LAMA2: variants seen among roughly 807,000 people sequenced by gnomAD.
LAMA2 encodes laminin subunit alpha-2.
A neutral mutation model predicts 364.8 loss-of-function variants in LAMA2; 269 were observed. That is an observed-to-expected ratio of 0.74 (90% CI 0.67 to 0.82). LAMA2 has a LOEUF of 0.82. LAMA2 is among the 40% of genes least tolerant of loss of function. The probability of loss-of-function intolerance (pLI) is 0.00; values close to 1 mark genes in which losing one functional copy is unlikely to be tolerated. For missense variants in LAMA2, 3,807 were observed against 3,873.2 expected, an observed-to-expected ratio of 0.98 and a Z score of 0.45; for synonymous variants, 1,379 against 1,370.6, an observed-to-expected ratio of 1.01 and a Z score of -0.14.
intron 12 of LAMA2, among the ~76,000 whole-genome samples, chr6:129,217,397 A>T (rs1212722510): frequency 6.6e-6 from 1 of 152,090 alleles, no homozygotes; most frequent in Non-Finnish European, 1.5e-5. Context: ...TTAATCTTCG[A>T]ATTTCTTTTA....
At chr6:129,276,223 T>G (rs555735933) in intron 17 of LAMA2, among the ~76,000 whole-genome samples, 2 of 152,268 alleles carry the variant, frequency 1.3e-5, no homozygotes, top group South Asian at 4.1e-4. Flanking sequence ...AAATGGTTTC[T>G]CTTATCCTAC....
At chr6:129,381,637 T>C (rs1057179751) in intron 34 of LAMA2, among the ~76,000 whole-genome samples, 2 of 152,142 alleles carry the variant, frequency 1.3e-5, no homozygotes, top group African/African-American at 4.8e-5. Context: ...AGGATTTGAG[T>C]AACCTAGGGA....
At position 129,162,124 on chromosome 6, in the gene LAMA2, T is replaced by G. The variant is rs564829613; in HGVS notation, c.1207-3452T>G. Among the ~76,000 whole-genome samples the G allele has an allele frequency of 1.1e-4, 16 of 152,350 alleles. No homozygotes were observed. In the East Asian group the frequency reaches 3.1e-3, roughly 29 times the overall value. On this transcript the variant is annotated intron_variant, in intron 8 of 64. Transcript: ENST00000421865. ...CTAATTTACTTTCCCACCAGCAGTG[T>G]ATAAGTGTTCCCTTTCTCTGCAACC...
At chr6:129,224,254 A>G (rs143910659) in intron 12 of LAMA2, among the ~76,000 whole-genome samples, 5 of 152,288 alleles carry the variant, frequency 3.3e-5, no homozygotes, top group African/African-American at 9.6e-5. Flanking sequence ...GGCTGAGACA[A>G]TGGGGTTTTC....
chr6:129,055,430 A>G (rs947718020), intron 2 of LAMA2, among the ~76,000 whole-genome samples: 3 of 151,904 alleles, frequency 2.0e-5, no homozygotes, highest in South Asian at 2.1e-4. Context: ...TCGACTTCAC[A>G]TGATCTACCT....
chr6:128,929,969 C>T, intron 1 of LAMA2: 4 of 650,414 alleles, frequency 6.1e-6, no homozygotes, highest in East Asian at 2.9e-5. Flanking sequence ...CCTCATCCTG[C>T]GGAGGCGATC....
rs553989180 is a variant in LAMA2, at chr6:128,961,648, G to A, written c.112+78291G>A. On this transcript the variant is annotated intron_variant, in intron 1 of 64. Coordinates refer to ENST00000421865, the MANE Select transcript of LAMA2 (RefSeq NM_000426.4). ...TTCTGCCTGCTTTATATTTGCTGGCGGCTGATTAGATTGTGCCCACCAGAT... is the reference window on the plus strand; with the variant it reads ...TTCTGCCTGCTTTATATTTGCTGGCAGCTGATTAGATTGTGCCCACCAGAT... Among the ~76,000 whole-genome samples the A allele has an allele frequency of 2.4e-4, 36 of 151,520 alleles. No individual in the cohort carries two copies. The South Asian group carries it at 3.1e-3, about 13-fold the overall frequency.
intron 8 of LAMA2, among the ~76,000 whole-genome samples, chr6:129,162,395 T>C (rs956594210): frequency 4.6e-5 from 7 of 152,122 alleles, no homozygotes; most frequent in African/African-American, 1.7e-4. Flanking sequence ...ACCTTTCCCA[T>C]TTTCCATACT....
At chr6:129,227,456 G>T (rs12111102) in intron 12 of LAMA2, among the ~76,000 whole-genome samples, 1 of 152,254 alleles carries the variant, frequency 6.6e-6, no homozygotes, top group South Asian at 2.1e-4. Flanking sequence ...CCCCATCTTT[G>T]TGGTTTTATC....
chr6:129,489,388 A>G (rs1270877218), intron 56 of LAMA2, among the ~76,000 whole-genome samples: 2 of 151,948 alleles, frequency 1.3e-5, no homozygotes, highest in African/African-American at 4.8e-5. Flanking sequence ...ATCTCCCTTT[A>G]GTCACTTTGG....
chr6:129,326,854 T>G (rs2114529158), intron 28 of LAMA2, among the ~76,000 whole-genome samples: 1 of 148,682 alleles, frequency 6.7e-6, no homozygotes, highest in South Asian at 2.1e-4. Flanking sequence ...TATTCAGTGG[T>G]CAGCTTGCTA....
chr6:129,152,081 A>G (rs757803124), intron 7 of LAMA2, among the ~76,000 whole-genome samples: 1 of 152,248 alleles, frequency 6.6e-6, no homozygotes, highest in South Asian at 2.1e-4. Context: ...TAACCTTTCT[A>G]TATTAAGAGA....
At chr6:128,944,651 A>C (rs958045389) in intron 1 of LAMA2, among the ~76,000 whole-genome samples, 12 of 151,778 alleles carry the variant, frequency 7.9e-5, no homozygotes, top group Non-Finnish European at 1.5e-4. Flanking sequence ...AAAAAAAAAA[A>C]AGAAGAAAGA....
At position 129,352,410 on chromosome 6, in the gene LAMA2, A is replaced by G. The variant is rs955899113; in HGVS notation, c.4524-754A>G. On this transcript the variant is annotated intron_variant, in intron 31 of 64. Coordinates refer to ENST00000421865, the MANE Select transcript of LAMA2 (RefSeq NM_000426.4). ...AATCAGTGTTATATATTTTGTTTGC[A>G]TATCATTAACCCACTTCCACAGATA... Among the ~76,000 whole-genome samples, 3 of 152,246 alleles carry G rather than the reference A, an allele frequency of 2.0e-5. 1 individual carries two copies. Among genetic ancestry groups the G allele is most frequent in the South Asian group, 4.1e-4 (2 of 4,832 alleles).
Position 129,460,272 on chromosome 6 carries a change from G to C in LAMA2, c.6940G>C (p.Gly2314Arg). The C allele has an allele frequency of 6.2e-7, 1 of 1,612,266 alleles. No homozygotes were observed. Among genetic ancestry groups the C allele is most frequent in the East Asian group, 2.2e-5 (1 of 44,798 alleles). The change falls in exon 49 of 65, where the codon GGT becomes CGT. Residue 2314 changes from glycine to arginine, a missense_variant. Physicochemically the swap from Gly to Arg is moderately radical, Grantham distance 125. Coordinates refer to ENST00000421865, the MANE Select transcript of LAMA2 (RefSeq NM_000426.4). ...GETYFDNKPIGLWNFREKEGD... is the reference protein window; with the variant it reads ...GETYFDNKPIRLWNFREKEGD... ...AACATACTTTGACAACAAACCTATA[G>C]GTTTGTGGAATTTCCGAGAAAAAGA... is the stretch of plus-strand genomic sequence containing the variant.
At chr6:129,299,266 T>A (rs564785542) in intron 21 of LAMA2, among the ~76,000 whole-genome samples, 9 of 152,206 alleles carry the variant, frequency 5.9e-5, no homozygotes, top group African/African-American at 1.9e-4. Context: ...GACTGAGTAA[T>A]TTTGTTTCAT....
Position 129,516,187 on chromosome 6 carries a change from CAG to C in LAMA2, c.9212-1_9212del. On this transcript the variant is annotated splice_acceptor_variant, in intron 64 of 64. Transcript: ENST00000421865. LOFTEE classifies it high-confidence loss of function. ...CTGAGCCCTCTTGCATTGCCTTTTT[CAG>C]ATGACCTCAAGCAGTTTGGCCTAAC... is the stretch of plus-strand genomic sequence containing the variant. 1.2e-6 allele frequency: 2 copies of C among 1,614,050 alleles called. No homozygotes were observed. Among genetic ancestry groups the C allele is most frequent in the Non-Finnish European group, 1.7e-6 (2 of 1,179,988 alleles).
intron 4 of LAMA2, among the ~76,000 whole-genome samples, chr6:129,127,024 G>A (rs1483345757): frequency 6.6e-6 from 1 of 152,170 alleles, no homozygotes; most frequent in Admixed American, 6.5e-5. Flanking sequence ...CTGAGACTGT[G>A]CTACTGCACT....
intron 1 of LAMA2, among the ~76,000 whole-genome samples, chr6:128,948,387 AAC>A (rs1780608830): frequency 6.6e-6 from 1 of 152,154 alleles, no homozygotes. Flanking sequence ...ATATTCCTAA[AAC>A]ACAGAAGTTT....
Sources: allele counts gnomAD v4.1 joint callset (sites outside exome capture counted in the v4.1 genomes callset), GRCh38; gene constraint gnomAD v4.1.1; transcripts MANE v1.5; gene names NCBI Gene and HGNC (gene_info 2026-07-23, HGNC 2026-07-21).